The following MAP2K4 variants were observed in gnomAD, a reference collection of about 807,000 sequenced individuals.
The protein encoded by MAP2K4 is dual specificity mitogen-activated protein kinase kinase 4.
Under a neutral mutation model 48.5 loss-of-function variants are expected in MAP2K4, and 4 were observed. The ratio of observed to expected loss-of-function variants is 0.08; its 90% CI spans 0.04 to 0.19. The LOEUF is 0.19. MAP2K4 is among the 10% of genes least tolerant of loss of function. MAP2K4 has a pLI of 1.00. For missense variants in MAP2K4, 258 were observed against 493.3 expected (o/e 0.52, Z 4.52); for synonymous variants, 166 against 173.1 (o/e 0.96, Z 0.32).
chr17:12,079,792 C>T (rs895073445), intron 2 of MAP2K4, among the ~76,000 whole-genome samples: 1 of 152,148 alleles, frequency 6.6e-6, no homozygotes, highest in African/African-American at 2.4e-5. Flanking sequence ...CTTAATCTGT[C>T]TACTTCATGA....
At chr17:12,109,920 G>T (rs1200616522) in intron 5 of MAP2K4, among the ~76,000 whole-genome samples, 1 of 152,034 alleles carries the variant, frequency 6.6e-6, no homozygotes, top group East Asian at 1.9e-4. Context: ...TTGAGCCCAG[G>T]AATTTGAGAT....
rs1397268930 is a variant in MAP2K4, at chr17:12,141,611, G to A, written c.*351G>A. 2 of 302,050 alleles carry A rather than the reference G, an allele frequency of 6.6e-6. No homozygotes were observed. Among genetic ancestry groups the A allele is most frequent in the African/African-American group, 2.1e-5 (1 of 47,390 alleles). 18.7% of individuals were successfully genotyped at this position (302,050 alleles called of 1,614,324 possible). On this transcript the variant is annotated 3_prime_UTR_variant, in exon 11 of 11. Coordinates refer to ENST00000353533, the MANE Select transcript of MAP2K4 (RefSeq NM_003010.4). Reference sequence around the variant, plus strand: ...CTGGAGATGCAGCTACTGGAATGGTGTTTTGTCAGACTTCCAAATCCTGGA... The same window carrying A: ...CTGGAGATGCAGCTACTGGAATGGTATTTTGTCAGACTTCCAAATCCTGGA...
intron 6 of MAP2K4, 43 bp from the exon 7 acceptor site, chr17:12,113,190 G>C: frequency 6.3e-7 from 1 of 1,582,140 alleles, no homozygotes. Context: ...ATGTAACTTA[G>C]GAAGAAGCTA....
chr17:12,026,426 A>G (rs1244412091), intron 1 of MAP2K4, among the ~76,000 whole-genome samples: 1 of 152,158 alleles, frequency 6.6e-6, no homozygotes. Flanking sequence ...GGCTCCAATG[A>G]TACAACCTGA....
chr17:12,038,361 T>C (rs1269693125), intron 1 of MAP2K4, among the ~76,000 whole-genome samples: 1 of 152,202 alleles, frequency 6.6e-6, no homozygotes, highest in Non-Finnish European at 1.5e-5. Flanking sequence ...TCCATCTTGG[T>C]GTTCATTTTC....
At chr17:12,048,100 G>A (rs1172098648) in intron 1 of MAP2K4, among the ~76,000 whole-genome samples, 3 of 152,022 alleles carry the variant, frequency 2.0e-5, no homozygotes, top group African/African-American at 4.8e-5. Context: ...ACTCATGGGC[G>A]CAAACGATCC....
intron 2 of MAP2K4, among the ~76,000 whole-genome samples, chr17:12,078,723 T>C (rs1007224866): frequency 6.6e-6 from 1 of 152,216 alleles, no homozygotes; most frequent in Non-Finnish European, 1.5e-5. Context: ...TTCTACTGTT[T>C]ATGTTCTTTC....
intron 7 of MAP2K4, among the ~76,000 whole-genome samples, chr17:12,124,080 A>C (rs1446383979): frequency 2.0e-5 from 3 of 152,204 alleles, no homozygotes; most frequent in Admixed American, 6.5e-5. Flanking sequence ...TTTACAACAA[A>C]AAAAAACAAA....
At chr17:12,115,714 G>C in intron 7 of MAP2K4, 3 of 763,962 alleles carry the variant, frequency 3.9e-6, no homozygotes. Context: ...AACTCACCAA[G>C]CTGGGAAAAC....
chr17:12,073,454 G>A (rs1970884955), intron 2 of MAP2K4, among the ~76,000 whole-genome samples: 2 of 152,120 alleles, frequency 1.3e-5, no homozygotes, highest in South Asian at 2.1e-4. Flanking sequence ...GGAGAGAGGA[G>A]AATTTACCAT....
At chr17:12,033,640 C>G (rs557807282) in intron 1 of MAP2K4, among the ~76,000 whole-genome samples, 1 of 152,018 alleles carries the variant, frequency 6.6e-6, no homozygotes, top group Admixed American at 6.5e-5. Context: ...TGATATATAT[C>G]TATATGAAAT....
At chr17:12,033,671 A>G (rs1439261384) in intron 1 of MAP2K4, among the ~76,000 whole-genome samples, 1 of 152,168 alleles carries the variant, frequency 6.6e-6, no homozygotes, top group Admixed American at 6.5e-5. Context: ...CTTCTGTTTT[A>G]TGCTTTTAAT....
intron 1 of MAP2K4, among the ~76,000 whole-genome samples, chr17:12,039,420 A>G (rs1969706219): frequency 6.6e-6 from 1 of 152,212 alleles, no homozygotes; most frequent in Non-Finnish European, 1.5e-5. Context: ...CATACACAAA[A>G]ATAGAGTAGT....
intron 1 of MAP2K4, among the ~76,000 whole-genome samples, chr17:12,038,066 A>G (rs1597400035): frequency 1.3e-5 from 2 of 152,270 alleles, no homozygotes; most frequent in African/African-American, 4.8e-5. Context: ...CATTGCAGAA[A>G]GTTTTCATTT....
At chr17:12,095,201 A>G (rs1040966084) in intron 3 of MAP2K4, among the ~76,000 whole-genome samples, 2 of 152,238 alleles carry the variant, frequency 1.3e-5, no homozygotes, top group Admixed American at 1.3e-4. Context: ...GATTAAAAGT[A>G]TGTATACAGC....
At chr17:12,111,248 A>G (rs893560801) in intron 6 of MAP2K4, among the ~76,000 whole-genome samples, 1 of 152,198 alleles carries the variant, frequency 6.6e-6, no homozygotes, top group Non-Finnish European at 1.5e-5. Flanking sequence ...GACAATTTCT[A>G]GTGGTTAAAG....
chr17:12,053,359 G>A (rs146344522), intron 1 of MAP2K4, among the ~76,000 whole-genome samples: 218 of 151,976 alleles, frequency 1.4e-3, no homozygotes, highest in African/African-American at 5.1e-3. Flanking sequence ...TGTTTTTGGT[G>A]TTAGTGTCTT....
chr17:12,043,154 T>C (rs1969848164), intron 1 of MAP2K4, among the ~76,000 whole-genome samples: 1 of 152,222 alleles, frequency 6.6e-6, no homozygotes, highest in South Asian at 2.1e-4. Flanking sequence ...AAATCAACTA[T>C]TGATATATGA....
At chr17:12,099,842 T>C (rs1302203035) in intron 4 of MAP2K4, among the ~76,000 whole-genome samples, 1 of 152,194 alleles carries the variant, frequency 6.6e-6, no homozygotes, top group East Asian at 1.9e-4. Flanking sequence ...ATTTGAGAAT[T>C]TCATAGCAGG....
Sources: gnomAD v4.1 joint callset for allele counts (sites outside exome capture counted in the v4.1 genomes callset) on GRCh38, gnomAD v4.1.1 for gene constraint, MANE v1.5 for transcripts, NCBI Gene and HGNC (gene_info 2026-07-23, HGNC 2026-07-21) for gene names.